The following FBXO25 variants were observed in gnomAD, a reference collection of about 807,000 sequenced individuals.
FBXO25 encodes the protein F-box only protein 25.
FBXO25 carries 45 observed loss-of-function variants against 51.9 expected under a neutral mutation model. The observed-to-expected ratio is 0.87, with a 90% CI of 0.68 to 1.11. The LOEUF is 1.11. Among genes scored for constraint, FBXO25 ranks in the 50% most tolerant of loss-of-function variants. The pLI is 0.00. For missense variants in FBXO25, 507 were observed against 428.5 expected, an observed-to-expected ratio of 1.18 and a Z score of -1.62; for synonymous variants, 199 against 151.0, an observed-to-expected ratio of 1.32 and a Z score of -2.33.
intron 2 of FBXO25, among the ~76,000 whole-genome samples, chr8:416,162 C>T (rs539497800): frequency 1.3e-5 from 2 of 152,336 alleles, no homozygotes; most frequent in African/African-American, 4.8e-5. Context: ...CTGCTATGTG[C>T]CGGTAGGGCC....
Position 468,712 on chromosome 8 carries a change from C to A in FBXO25, c.988-3C>A, listed in dbSNP as rs80339200. The A allele has an allele frequency of 1.2e-6, 2 of 1,613,580 alleles. No individual in the cohort carries two copies. Among genetic ancestry groups the A allele is most frequent in the South Asian group, 2.2e-5 (2 of 91,020 alleles). ...CTCCTAACCATCTCCCACCTCCCCACAGGACTCAGGACACCCCTGCACGGC... is the reference window on the plus strand; with the variant it reads ...CTCCTAACCATCTCCCACCTCCCCAAAGGACTCAGGACACCCCTGCACGGC... On this transcript the variant is annotated splice_polypyrimidine_tract_variant and splice_region_variant and intron_variant, in intron 9 of 9. Coordinates refer to ENST00000350302, the MANE Select transcript of FBXO25 (RefSeq NM_183420.2).
intron 5 of FBXO25, among the ~76,000 whole-genome samples, chr8:449,509 T>C (rs1798943936): frequency 6.6e-6 from 1 of 152,260 alleles, no homozygotes; most frequent in African/African-American, 2.4e-5. Context: ...ACAATGAGTT[T>C]TGGTGTTGTG....
intron 6 of FBXO25, 60 bp from the exon 7 acceptor site, chr8:451,209 T>C: frequency 6.9e-7 from 1 of 1,457,766 alleles, no homozygotes; most frequent in Non-Finnish European, 9.3e-7. Context: ...TGAAACTAGA[T>C]CTTTTTTTAA....
chr8:413,221 A>T lies in FBXO25; in HGVS notation c.134+8A>T. On this transcript the variant is annotated splice_region_variant and intron_variant, in intron 2 of 9. Transcript: ENST00000350302. Reference sequence around the variant, plus strand: ...TAACATCAGTCACAGCATGTAAGTTACAGCTGAGCAGAACCATGCCATTTG... The same window carrying T: ...TAACATCAGTCACAGCATGTAAGTTTCAGCTGAGCAGAACCATGCCATTTG... 2.5e-6 allele frequency: 4 copies of T among 1,578,198 alleles called. No individual in the cohort carries two copies. Among genetic ancestry groups the T allele is most frequent in the Non-Finnish European group, 3.4e-6 (4 of 1,166,378 alleles).
intron 5 of FBXO25, 111 bp from the exon 6 acceptor site, chr8:449,879 A>G: frequency 1.3e-6 from 1 of 753,266 alleles, no homozygotes; most frequent in South Asian, 1.7e-5. Flanking sequence ...ACAGTGACTT[A>G]ATTTAGGATG....
At chr8:426,195 C>T (rs1231910934) in intron 2 of FBXO25, among the ~76,000 whole-genome samples, 6 of 152,140 alleles carry the variant, frequency 3.9e-5, no homozygotes, top group South Asian at 4.1e-4. Flanking sequence ...TTTTGGTTTC[C>T]GGAGCTTATT....
chr8:413,971 A>T (rs1163348239), intron 2 of FBXO25, among the ~76,000 whole-genome samples: 1 of 152,158 alleles, frequency 6.6e-6, no homozygotes, highest in African/African-American at 2.4e-5. Context: ...GAGGGCTAGG[A>T]AGGTCTTGAG....
chr8:416,956 G>A (rs1010796797), intron 2 of FBXO25, among the ~76,000 whole-genome samples: 4 of 152,152 alleles, frequency 2.6e-5, no homozygotes, highest in African/African-American at 7.2e-5. Flanking sequence ...TATAGAGAGT[G>A]GCCTCTAAGA....
rs1288428186 is a variant in FBXO25, at chr8:463,033, A to G, written c.870A>G (p.Glu290=). Residue 290 remains glutamate (E), a synonymous_variant, in exon 9 of 10, where the codon GAA becomes GAG. Coordinates refer to ENST00000350302, the MANE Select transcript of FBXO25 (RefSeq NM_183420.2). ...KQFCRHLILS[E]KGHIEWKLMY... is the part of the protein sequence containing the mutation. ...TTTGTAGACATTTGATCCTTTCAGA[A>G]AAAGGTCATATTGAATGGAAGTTGA... 5 of 1,612,472 alleles carry G rather than the reference A, an allele frequency of 3.1e-6. No individual in the cohort carries two copies. The highest frequency in any genetic ancestry group is 2.7e-5 in the African/African-American group (2 of 74,876).
chr8:438,816 G>C (rs569270204), intron 5 of FBXO25, among the ~76,000 whole-genome samples: 2 of 152,314 alleles, frequency 1.3e-5, no homozygotes, highest in African/African-American at 4.8e-5. Context: ...ACCAACTCAA[G>C]CCTACCTGGC....
chr8:414,815 AC>A (rs1456822199), intron 2 of FBXO25, among the ~76,000 whole-genome samples: 1 of 152,202 alleles, frequency 6.6e-6, no homozygotes, highest in Admixed American at 6.5e-5. Context: ...GTGAGCGAGA[AC>A]TAGTCAGCAC....
intron 9 of FBXO25, chr8:467,771 C>A (rs370120502): frequency 2.5e-6 from 4 of 1,613,488 alleles, no homozygotes; most frequent in Non-Finnish European, 8.5e-7. Flanking sequence ...TGCCACACAT[C>A]CTGTGTTCGG....
intron 2 of FBXO25, among the ~76,000 whole-genome samples, chr8:429,357 C>G (rs1269178338): frequency 6.6e-6 from 1 of 152,020 alleles, no homozygotes; most frequent in Non-Finnish European, 1.5e-5. Context: ...GGAGAAGTGT[C>G]TGTTGAAGTT....
At chr8:440,521 C>G (rs1402677768) in intron 5 of FBXO25, among the ~76,000 whole-genome samples, 1 of 152,090 alleles carries the variant, frequency 6.6e-6, no homozygotes, top group Non-Finnish European at 1.5e-5. Flanking sequence ...TTTCCTAAGT[C>G]TATAAACTTT....
chr8:436,413 A>G (rs1303584239), intron 5 of FBXO25, among the ~76,000 whole-genome samples: 1 of 152,228 alleles, frequency 6.6e-6, no homozygotes, highest in African/African-American at 2.4e-5. Context: ...GCTTTTAGGC[A>G]TTTAAAAGTG....
intron 5 of FBXO25, among the ~76,000 whole-genome samples, chr8:447,036 G>A (rs4045409): frequency 5.3e-5 from 8 of 152,182 alleles, no homozygotes; most frequent in East Asian, 1.9e-4. Flanking sequence ...TACTATAGGC[G>A]GAACTGAGCA....
At chr8:441,683 C>G (rs1171253481) in intron 5 of FBXO25, among the ~76,000 whole-genome samples, 2 of 151,952 alleles carry the variant, frequency 1.3e-5, no homozygotes, top group African/African-American at 4.8e-5. Flanking sequence ...AAAAAACAAC[C>G]CCATCAAAAA....
At chr8:436,211 G>C (rs914207087) in intron 5 of FBXO25, among the ~76,000 whole-genome samples, 18 of 151,908 alleles carry the variant, frequency 1.2e-4, no homozygotes, top group Non-Finnish European at 5.9e-5. Context: ...TTTTTATCTT[G>C]GGCCACACTC....
At chr8:438,007 G>T (rs553643225) in intron 5 of FBXO25, among the ~76,000 whole-genome samples, 2 of 151,448 alleles carry the variant, frequency 1.3e-5, no homozygotes, top group African/African-American at 2.4e-5. Flanking sequence ...TTTTCTAATG[G>T]CATTTAGTAA....
Sources: gnomAD v4.1 joint callset for allele counts (sites outside exome capture counted in the v4.1 genomes callset) on GRCh38, gnomAD v4.1.1 for gene constraint, MANE v1.5 for transcripts, NCBI Gene and HGNC (gene_info 2026-07-23, HGNC 2026-07-21) for gene names.